SYN3: variants seen among roughly 807,000 people sequenced by gnomAD.
The protein encoded by SYN3 is synapsin III, also known as synapsin-3.
A neutral mutation model predicts 65.8 loss-of-function variants in SYN3; 35 were observed. That is an observed-to-expected ratio of 0.53 (90% CI 0.41 to 0.70). The LOEUF is 0.70. Among genes scored for constraint, SYN3 ranks in the 30% least tolerant of loss-of-function variants. The pLI is 0.00. For synonymous variants in SYN3, 270 were observed against 292.9 expected (o/e 0.92, Z 0.80); for missense variants, 680 against 749.0 (o/e 0.91, Z 1.08).
chr22:32,531,148 CAAAAAA>C (rs59432094), intron 10 of SYN3, among the ~76,000 whole-genome samples: 9 of 26,150 alleles, frequency 3.4e-4, no homozygotes, highest in Admixed American at 1.2e-3. Flanking sequence ...GACCCCGTCT[CAAAAAA>C]AAAAAAAAAA....
In SYN3 at chr22:32,771,497, C is replaced by A. The variant is rs184426362; in HGVS notation, c.711+93418G>T. ...ACTTGGTGAAGAATGGGCACCAGGACCAGGTCTGCATCTACTAGCTGTCTG... is the reference window on the plus strand; with the variant it reads ...ACTTGGTGAAGAATGGGCACCAGGAACAGGTCTGCATCTACTAGCTGTCTG... On this transcript the variant is annotated intron_variant, in intron 6 of 13. Coordinates refer to ENST00000358763, the MANE Select transcript of SYN3 (RefSeq NM_003490.4). Among the ~76,000 whole-genome samples the A allele has an allele frequency of 5.9e-5, 9 of 152,318 alleles. No individual in the cohort carries two copies. In the East Asian group the frequency reaches 1.4e-3, roughly 23 times the overall value.
intron 6 of SYN3, among the ~76,000 whole-genome samples, chr22:32,821,633 G>A (rs1301008298): frequency 6.6e-6 from 1 of 152,230 alleles, no homozygotes; most frequent in Non-Finnish European, 1.5e-5. Flanking sequence ...ATGGAAGAGC[G>A]GAGGCCCAGA....
chr22:32,575,469 C>T (rs1569055127), intron 7 of SYN3, among the ~76,000 whole-genome samples: 1 of 152,176 alleles, frequency 6.6e-6, no homozygotes, highest in Non-Finnish European at 1.5e-5. Context: ...CAGCCTGGTT[C>T]TAAGTTCTTC....
chr22:32,839,300 C>T (rs2047827513), intron 6 of SYN3, among the ~76,000 whole-genome samples: 1 of 152,040 alleles, frequency 6.6e-6, no homozygotes, highest in Non-Finnish European at 1.5e-5. Flanking sequence ...CCCATTTGTT[C>T]CTGGGAGAAT....
At chr22:32,960,599 T>C (rs138163856) in intron 3 of SYN3, among the ~76,000 whole-genome samples, 25 of 152,262 alleles carry the variant, frequency 1.6e-4, no homozygotes, top group African/African-American at 5.8e-4. Context: ...ACTGCGCGTC[T>C]TGCATGCTCA....
chr22:32,926,317 T>C (rs1284475144), intron 4 of SYN3, among the ~76,000 whole-genome samples: 3 of 152,264 alleles, frequency 2.0e-5, no homozygotes, highest in African/African-American at 7.2e-5. Flanking sequence ...GAGGGTGCTA[T>C]GAAGAAGTAC....
chr22:32,678,150 CT>C (rs1299312576), intron 6 of SYN3, among the ~76,000 whole-genome samples: 2 of 152,066 alleles, frequency 1.3e-5, no homozygotes, highest in African/African-American at 4.8e-5. Flanking sequence ...AGATTCGTGG[CT>C]GAATTCAGGC....
At position 32,508,474 on chromosome 22, in the gene SYN3, A is replaced by G. The variant is rs12166221; in HGVS notation, c.*5218T>C. On this transcript the variant is annotated 3_prime_UTR_variant, in exon 14 of 14. Coordinates refer to ENST00000358763, the MANE Select transcript of SYN3 (RefSeq NM_003490.4). ...CATGTTGCTCACACAAAGCCTGTTT[A>G]GTGGTCTCTTCACACAGACGCGCAT... Among the ~76,000 whole-genome samples, 32,310 of 152,082 alleles carry G rather than the reference A, an allele frequency of 0.21. 3,770 individuals are homozygous for G. Among genetic ancestry groups the G allele is most frequent in the African/African-American group, 0.29 (11,892 of 41,430 alleles).
At chr22:32,589,702 G>A (rs1315047841) in intron 7 of SYN3, among the ~76,000 whole-genome samples, 4 of 152,140 alleles carry the variant, frequency 2.6e-5, no homozygotes, top group African/African-American at 2.4e-5. Context: ...CCCACTAGAT[G>A]TTATGTAGAA....
intron 6 of SYN3, among the ~76,000 whole-genome samples, chr22:32,737,327 T>A (rs549912291): frequency 2.6e-4 from 39 of 152,274 alleles, no homozygotes; most frequent in South Asian, 2.3e-3. Flanking sequence ...CTTTTTTTTT[T>A]AATTATACTT....
chr22:32,748,056 G>T (rs527615373), intron 6 of SYN3, among the ~76,000 whole-genome samples: 1 of 152,296 alleles, frequency 6.6e-6, no homozygotes, highest in African/African-American at 2.4e-5. Flanking sequence ...GCTTGGTGTT[G>T]GGGTCAAACA....
intron 4 of SYN3, among the ~76,000 whole-genome samples, chr22:32,869,689 G>GTTTTTTTTTTTTTTTTTT (rs1288480674): frequency 8.4e-6 from 1 of 118,448 alleles, no homozygotes; most frequent in Non-Finnish European, 1.7e-5. Flanking sequence ...AACACATCTT[G>GTTTTTTTTTTTTTTTTTT]GTTTTTTTTT....
chr22:32,790,437 T>TATTTATTA (rs1555961663), intron 6 of SYN3, among the ~76,000 whole-genome samples: 9 of 147,256 alleles, frequency 6.1e-5, no homozygotes, highest in African/African-American at 2.3e-4. Context: ...TTTATTTATT[T>TATTTATTA]ATTATTGAGA....
chr22:32,645,399 G>C (rs5754183), intron 6 of SYN3, among the ~76,000 whole-genome samples: 54,703 of 149,230 alleles, frequency 0.37, 11,425 homozygotes, highest in East Asian at 0.89. Flanking sequence ...GGCGGTGAGC[G>C]AAGATCGCAC....
chr22:32,758,409 T>G (rs4821094), intron 6 of SYN3, among the ~76,000 whole-genome samples: 22,838 of 151,380 alleles, frequency 0.15, 2,230 homozygotes, highest in East Asian at 0.35. Context: ...TTTGAGTCAC[T>G]GGGCTGGGGA....
chr22:32,781,023 C>A (rs2046046044), intron 6 of SYN3, among the ~76,000 whole-genome samples: 1 of 141,416 alleles, frequency 7.1e-6, no homozygotes, highest in Non-Finnish European at 1.5e-5. Flanking sequence ...TTCTTTCTCT[C>A]TCTCTTTTTT....
At chr22:32,880,005 T>C (rs988375780) in intron 4 of SYN3, among the ~76,000 whole-genome samples, 2 of 152,200 alleles carry the variant, frequency 1.3e-5, no homozygotes, top group African/African-American at 4.8e-5. Flanking sequence ...AGTTGGGCTA[T>C]GTGACCCCTG....
chr22:32,539,906 G>A (rs1180199445), intron 8 of SYN3, among the ~76,000 whole-genome samples: 1 of 152,198 alleles, frequency 6.6e-6, no homozygotes, highest in African/African-American at 2.4e-5. Context: ...GCACTGGAAT[G>A]GGCCATAACT....
intron 13 of SYN3, among the ~76,000 whole-genome samples, chr22:32,515,868 A>G (rs1197348429): frequency 1.3e-5 from 2 of 151,564 alleles, no homozygotes; most frequent in Non-Finnish European, 2.9e-5. Context: ...GCACGATCTC[A>G]GCTCACTGCA....
Sources: gnomAD v4.1 joint callset for allele counts (sites outside exome capture counted in the v4.1 genomes callset) on GRCh38, gnomAD v4.1.1 for gene constraint, MANE v1.5 for transcripts, NCBI Gene and HGNC (gene_info 2026-07-23, HGNC 2026-07-21) for gene names.